Variants in BACH2 observed in about 807,000 individuals in gnomAD.
The protein encoded by BACH2 is transcription regulator protein BACH2.
In BACH2, 5 loss-of-function variants were observed where a neutral mutation model predicts 61.8. The ratio of observed to expected loss-of-function variants is 0.08; its 90% confidence interval spans 0.04 to 0.17. The LOEUF (loss-of-function observed/expected upper bound fraction) is 0.17. BACH2 is among the 10% of genes least tolerant of loss of function. The pLI, the probability that BACH2 is intolerant of heterozygous loss-of-function variation, is 1.00. For missense variants in BACH2, 824 were observed against 1,091.1 expected (o/e 0.76, Z 3.45); for synonymous variants, 446 against 440.1 (o/e 1.01, Z -0.17).
Position 90,008,952 on chromosome 6 carries a change from T to A in BACH2, c.-12-96A>T, listed in dbSNP as rs548240550. On this transcript the variant is annotated intron_variant, in intron 5 of 8. Coordinates refer to ENST00000257749, the MANE Select transcript of BACH2 (RefSeq NM_021813.4). This position sits in a 1 kb window ranked among gnomAD's most constrained non-coding sequence, Gnocchi z 4.1. ...AGGAGGTGAGAAAGAACATCATGGT[T>A]CCTGTGTCCCACTGCCATGAGCATG... is the stretch of plus-strand genomic sequence containing the variant. 7 of 1,438,920 alleles carry A rather than the reference T, an allele frequency of 4.9e-6. No homozygotes were observed. The South Asian group carries it at 6.8e-5, about 14-fold the overall frequency. The allele number at this position is 1,438,920 out of a possible 1,614,324, so 89.1% of individuals were successfully genotyped here. A position where few individuals can be genotyped will look rare whatever the true frequency, so the allele number is the denominator to read the frequency against.
intron 4 of BACH2, among the ~76,000 whole-genome samples, chr6:90,161,592 T>TACA (rs1785194614): frequency 1.3e-5 from 2 of 152,232 alleles, no homozygotes; most frequent in Non-Finnish European, 2.9e-5. Context: ...TAGGCATAGT[T>TACA]AAGCAACTGA....
chr6:89,989,382 T>G (rs140492497), intron 6 of BACH2, among the ~76,000 whole-genome samples: 43 of 152,298 alleles, frequency 2.8e-4, no homozygotes, highest in African/African-American at 9.9e-4. Context: ...GTATGTCACA[T>G]AAATGGAATC....
chr6:90,293,569 G>GC, intron 1 of BACH2, among the ~76,000 whole-genome samples: 1 of 152,314 alleles, frequency 6.6e-6, no homozygotes, highest in African/African-American at 2.4e-5. Flanking sequence ...GAAGTGAAGG[G>GC]CTGGCCTAGG....
At chr6:89,972,688 G>T (rs1436407387) in intron 6 of BACH2, among the ~76,000 whole-genome samples, 1 of 152,082 alleles carries the variant, frequency 6.6e-6, no homozygotes, top group East Asian at 1.9e-4. Flanking sequence ...TGTTGTTTCA[G>T]TTTCTGCCTA....
chr6:89,984,474 C>G (rs1776130134), intron 6 of BACH2, among the ~76,000 whole-genome samples: 1 of 151,800 alleles, frequency 6.6e-6, no homozygotes, highest in South Asian at 2.1e-4. Flanking sequence ...TTAGGGAATC[C>G]AAGCAGAAGA....
intron 5 of BACH2, among the ~76,000 whole-genome samples, chr6:90,069,136 A>G (rs1215064823): frequency 6.6e-6 from 1 of 152,140 alleles, no homozygotes; most frequent in African/African-American, 2.4e-5. Flanking sequence ...GTAGCAGACT[A>G]GGATGGGAGG....
At chr6:90,206,713 G>A (rs938673542) in intron 3 of BACH2, 32 bp from the exon 4 acceptor site, 1 of 152,370 alleles carries the variant, frequency 6.6e-6, no homozygotes, top group African/African-American at 2.4e-5. Flanking sequence ...AAATCCATCA[G>A]CTGGTGCCCA....
chr6:90,117,463 C>CTTT lies in BACH2; in HGVS notation c.-161-28357_-161-28355dup, dbSNP rs3072652. 5.2e-3 allele frequency among the ~76,000 whole-genome samples: 737 copies of CTTT among 141,658 alleles called. 9 individuals are homozygous for CTTT. The highest frequency in any genetic ancestry group is 6.4e-3 in the Non-Finnish European group (417 of 65,480). The allele number at this position is 141,658 out of a possible 152,430, so 92.9% of individuals were successfully genotyped here. A position where few individuals can be genotyped will look rare whatever the true frequency, so the allele number is the denominator to read the frequency against. ...ATTTACTTCTTTACTGTTAGCTTGA[C>CTTT]TTTTTTTTTTTTTTGTAATTCTATA... On this transcript the variant is annotated intron_variant, in intron 4 of 8. Transcript: ENST00000257749.
intron 8 of BACH2, among the ~76,000 whole-genome samples, chr6:89,936,427 C>T (rs1337627998): frequency 1.3e-5 from 2 of 152,234 alleles, no homozygotes; most frequent in African/African-American, 4.8e-5. Context: ...CAGGTGTGAG[C>T]CATGGTGCCC....
chr6:90,132,122 G>T (rs552968948), intron 4 of BACH2, among the ~76,000 whole-genome samples: 1 of 152,250 alleles, frequency 6.6e-6, no homozygotes, highest in African/African-American at 2.4e-5. Flanking sequence ...ACAACAATGT[G>T]GTAGATGTTA....
chr6:90,062,799 A>T (rs1193236193), intron 5 of BACH2: 1 of 462,510 alleles, frequency 2.2e-6, no homozygotes, highest in African/African-American at 2.2e-5. Flanking sequence ...CCAGCAATTG[A>T]CAAACTACTC....
At chr6:90,296,296 C>T (rs574330897) in intron 1 of BACH2, among the ~76,000 whole-genome samples, 184 bp downstream of exon 1, 4 of 151,694 alleles carry the variant, frequency 2.6e-5, no homozygotes, top group East Asian at 2.0e-4. Context: ...CCTTCCCGTT[C>T]CTAGAAAATG....
chr6:90,072,407 C>T (rs1582311192), intron 5 of BACH2, among the ~76,000 whole-genome samples: 1 of 152,152 alleles, frequency 6.6e-6, no homozygotes, highest in Non-Finnish European at 1.5e-5. Context: ...ATCTGTTTTT[C>T]CCTTCAATGC....
chr6:90,146,536 GA>G (rs1784626454), intron 4 of BACH2, among the ~76,000 whole-genome samples: 1 of 152,172 alleles, frequency 6.6e-6, no homozygotes, highest in African/African-American at 2.4e-5. Flanking sequence ...ACTACTCCAT[GA>G]CCCATAACTG....
intron 3 of BACH2, among the ~76,000 whole-genome samples, chr6:90,242,868 G>A (rs1370702639): frequency 6.6e-6 from 1 of 151,748 alleles, no homozygotes; most frequent in Non-Finnish European, 1.5e-5. Flanking sequence ...GTTGACTTTG[G>A]GCAAATTATC....
chr6:90,055,599 T>C (rs998997187), intron 5 of BACH2, among the ~76,000 whole-genome samples: 1 of 148,786 alleles, frequency 6.7e-6, no homozygotes, highest in African/African-American at 2.6e-5. Flanking sequence ...CAGGCCAACA[T>C]TCAGATTCAG....
intron 5 of BACH2, among the ~76,000 whole-genome samples, chr6:90,011,422 T>C (rs1427757376): frequency 6.6e-6 from 1 of 152,228 alleles, no homozygotes; most frequent in Non-Finnish European, 1.5e-5. Flanking sequence ...ACTTTTGTTT[T>C]TTTTGGAGAC....
intron 4 of BACH2, among the ~76,000 whole-genome samples, chr6:90,107,303 C>A (rs777206676): frequency 6.6e-6 from 1 of 151,740 alleles, no homozygotes; most frequent in African/African-American, 2.4e-5. Flanking sequence ...ATCCAGGAAG[C>A]GGAGGTTGCA....
intron 4 of BACH2, among the ~76,000 whole-genome samples, chr6:90,176,121 G>A (rs914752872): frequency 3.3e-5 from 5 of 152,132 alleles, no homozygotes; most frequent in African/African-American, 9.7e-5. Context: ...ACGCCTCTAT[G>A]GGACCTGTGA....
Sources: gnomAD v4.1 joint callset for allele counts (sites outside exome capture counted in the v4.1 genomes callset) on GRCh38, gnomAD v4.1.1 for gene constraint, Gnocchi (gnomAD v3.1) non-coding constraint, MANE v1.5 for transcripts, NCBI Gene and HGNC (gene_info 2026-07-23, HGNC 2026-07-21) for gene names.